The following BORCS5 variants were observed in gnomAD, a reference collection of about 807,000 sequenced individuals.
BORCS5 encodes the protein BLOC-1-related complex subunit 5.
Under a neutral mutation model 22.1 loss-of-function variants are expected in BORCS5, and 17 were observed. The observed-to-expected ratio is 0.77, with a 90% CI of 0.53 to 1.15. BORCS5 has a LOEUF of 1.15. Ranked by LOEUF, BORCS5 falls within the 50% of genes most tolerant of loss-of-function variation. The probability of loss-of-function intolerance (pLI) is 0.00; values close to 1 mark genes in which losing one functional copy is unlikely to be tolerated. For synonymous variants in BORCS5, 117 were observed against 99.8 expected (o/e 1.17, Z -1.03); for missense variants, 247 against 253.2 (o/e 0.98, Z 0.17).
At chr12:12,451,896 G>A (rs1480170452) in intron 3 of BORCS5, among the ~76,000 whole-genome samples, 15 of 141,624 alleles carry the variant, frequency 1.1e-4, no homozygotes, top group Middle Eastern at 3.7e-3. Context: ...CCAGCCTGGC[G>A]ACAGAGCGAG....
intron 2 of BORCS5, among the ~76,000 whole-genome samples, chr12:12,362,026 C>T (rs940211364): frequency 2.0e-5 from 3 of 152,172 alleles, no homozygotes; most frequent in Non-Finnish European, 4.4e-5. Flanking sequence ...TCAGTTCTCT[C>T]CTCCCTCACC....
chr12:12,467,485 C>G lies in BORCS5; in HGVS notation c.*1709C>G, dbSNP rs1943222233. 6.6e-6 allele frequency: 1 copy of G among 152,254 alleles called. No individual in the cohort carries two copies. The highest frequency in any genetic ancestry group is 2.1e-4 in the South Asian group (1 of 4,826). The allele number at this position is 152,254 out of a possible 1,614,324, so 9.4% of individuals were successfully genotyped here. ...ACAAACCACGCAGTCAGCCAGCTCTCCAGCCAACTGTGTCTACTTCTAAAG... is the reference window on the plus strand; with the variant it reads ...ACAAACCACGCAGTCAGCCAGCTCTGCAGCCAACTGTGTCTACTTCTAAAG... On this transcript the variant is annotated 3_prime_UTR_variant, in exon 4 of 4. Coordinates refer to ENST00000314565, the MANE Select transcript of BORCS5 (RefSeq NM_058169.6).
intron 2 of BORCS5, among the ~76,000 whole-genome samples, chr12:12,392,939 A>C (rs1237794517): frequency 1.3e-5 from 2 of 152,056 alleles, no homozygotes; most frequent in Non-Finnish European, 2.9e-5. Flanking sequence ...CCTTCATAAA[A>C]AAAGGTCGGC....
intron 2 of BORCS5, among the ~76,000 whole-genome samples, chr12:12,364,253 G>A (rs1863356669): frequency 6.6e-6 from 1 of 152,060 alleles, no homozygotes; most frequent in Admixed American, 6.6e-5. Flanking sequence ...GCGTGCAGCT[G>A]TAGTCCCAGC....
chr12:12,424,861 A>T (rs1439176140), intron 2 of BORCS5, among the ~76,000 whole-genome samples: 3 of 152,110 alleles, frequency 2.0e-5, no homozygotes, highest in Non-Finnish European at 4.4e-5. Flanking sequence ...GCTTTTGAAT[A>T]TCCTGGTCTT....
intron 2 of BORCS5, among the ~76,000 whole-genome samples, chr12:12,423,417 A>G (rs1209205070): frequency 2.3e-5 from 3 of 129,544 alleles, no homozygotes; most frequent in East Asian, 2.7e-4. Context: ...GGGCAGGTCT[A>G]GTATTAAGAA....
intron 2 of BORCS5, among the ~76,000 whole-genome samples, chr12:12,433,347 A>T (rs954773018): frequency 2.9e-4 from 44 of 150,252 alleles, no homozygotes; most frequent in African/African-American, 1.0e-3. Context: ...AAAAAAAAAA[A>T]AGGAAATCTG....
rs112022357 is a variant in BORCS5 at position 12,385,481 on chromosome 12, A to G, written c.202+24132A>G. On this transcript the variant is annotated intron_variant, in intron 2 of 3. Coordinates refer to ENST00000314565, the MANE Select transcript of BORCS5 (RefSeq NM_058169.6). ...AGGTTGGGAGAAGCCTCACATCTCA[A>G]TGACACAGATTCTCACTATTTTTAC... Among the ~76,000 whole-genome samples, 583 of 150,924 alleles carry G rather than the reference A, an allele frequency of 3.9e-3. 17 individuals are homozygous for G. Among genetic ancestry groups the G allele is most frequent in the African/African-American group, 0.012 (498 of 40,942 alleles).
intron 2 of BORCS5, among the ~76,000 whole-genome samples, chr12:12,365,126 C>A (rs1383219676): frequency 1.3e-5 from 2 of 152,024 alleles, no homozygotes; most frequent in Non-Finnish European, 2.9e-5. Context: ...CCTTTTTGAG[C>A]CTTGGTTATT....
chr12:12,376,852 G>A (rs1293740115), intron 2 of BORCS5, among the ~76,000 whole-genome samples: 1 of 152,144 alleles, frequency 6.6e-6, no homozygotes, highest in African/African-American at 2.4e-5. Flanking sequence ...TAAGCTTGTT[G>A]AAACTGCTGC....
intron 2 of BORCS5, among the ~76,000 whole-genome samples, chr12:12,392,377 C>T (rs1426637476): frequency 4.6e-5 from 7 of 152,184 alleles, no homozygotes; most frequent in African/African-American, 1.2e-4. Flanking sequence ...TGCCCCTCTG[C>T]ACTCTCATGA....
At chr12:12,395,615 T>A (rs576009357) in intron 2 of BORCS5, among the ~76,000 whole-genome samples, 1 of 151,856 alleles carries the variant, frequency 6.6e-6, no homozygotes, top group Non-Finnish European at 1.5e-5. Flanking sequence ...AGGGCCAGAT[T>A]TGGAGGCTCC....
chr12:12,424,473 G>A (rs1434628144), intron 2 of BORCS5, among the ~76,000 whole-genome samples: 1 of 152,022 alleles, frequency 6.6e-6, no homozygotes, highest in Non-Finnish European at 1.5e-5. Flanking sequence ...AGCTCTTTGA[G>A]CATCTTTAAG....
chr12:12,405,997 C>T (rs535431876), intron 2 of BORCS5, among the ~76,000 whole-genome samples: 30 of 152,364 alleles, frequency 2.0e-4, no homozygotes, highest in South Asian at 1.2e-3. Context: ...AAGTACCTGC[C>T]GTGCCTTGCA....
chr12:12,414,284 A>G (rs867369786), intron 2 of BORCS5, among the ~76,000 whole-genome samples: 5,102 of 21,512 alleles, frequency 0.24, 441 homozygotes, highest in African/African-American at 0.37. Flanking sequence ...AGGGGCGGCC[A>G]GGCAGAGGCG....
intron 2 of BORCS5, among the ~76,000 whole-genome samples, chr12:12,414,181 G>T: frequency 1.0e-5 from 1 of 96,758 alleles, no homozygotes; most frequent in South Asian, 3.3e-4. Flanking sequence ...CCTCCCTCCC[G>T]GATGGGGCGG....
chr12:12,469,434 G>A lies in BORCS5; in HGVS notation c.*3658G>A, dbSNP rs1229162448. 1 of 152,238 alleles carries A rather than the reference G, an allele frequency of 6.6e-6. No individual in the cohort carries two copies. The highest frequency in any genetic ancestry group is 1.5e-5 in the Non-Finnish European group (1 of 68,032). The allele number at this position is 152,238 out of a possible 1,614,324, so 9.4% of individuals were successfully genotyped here. On this transcript the variant is annotated 3_prime_UTR_variant, in exon 4 of 4. Coordinates refer to ENST00000314565, the MANE Select transcript of BORCS5 (RefSeq NM_058169.6). ...TATGTATGTGTGCGTCTGTATATAT[G>A]TTTCTGTATCCTGAGTATTTCTTTG...
chr12:12,360,423 A>C (rs551976188), intron 1 of BORCS5, among the ~76,000 whole-genome samples: 14 of 152,088 alleles, frequency 9.2e-5, no homozygotes, highest in African/African-American at 3.4e-4. Context: ...TTGTTTTTTG[A>C]GACTCTTGCT....
intron 2 of BORCS5, among the ~76,000 whole-genome samples, chr12:12,386,432 G>A (rs1001277327): frequency 1.3e-5 from 2 of 148,554 alleles, no homozygotes; most frequent in African/African-American, 5.0e-5. Context: ...CAGTGTGGTG[G>A]GGTTAAAGTC....
Sources: gnomAD v4.1 joint callset for allele counts (sites outside exome capture counted in the v4.1 genomes callset) on GRCh38, gnomAD v4.1.1 for gene constraint, MANE v1.5 for transcripts, NCBI Gene and HGNC (gene_info 2026-07-23, HGNC 2026-07-21) for gene names.